Variants in ERC2 observed in about 807,000 individuals in gnomAD.
The protein encoded by ERC2 is ERC protein 2.
In ERC2, 42 loss-of-function variants were observed where a neutral mutation model predicts 114.8. That is an observed-to-expected ratio of 0.37 (90% confidence interval 0.29 to 0.47). The LOEUF (loss-of-function observed/expected upper bound fraction) is 0.47. Among genes scored for constraint, ERC2 ranks in the 20% least tolerant of loss-of-function variants. ERC2 has a pLI of 0.99. For missense variants in ERC2, 939 were observed against 1,150.7 expected (o/e 0.82, Z 2.66); for synonymous variants, 454 against 425.5 (o/e 1.07, Z -0.82).
At chr3:55,935,599 C>T (rs1212477895) in intron 13 of ERC2, among the ~76,000 whole-genome samples, 1 of 152,136 alleles carries the variant, frequency 6.6e-6, no homozygotes, top group Admixed American at 6.5e-5. Flanking sequence ...ACTTAGAGAA[C>T]CAAAGTATGA....
intron 7 of ERC2, among the ~76,000 whole-genome samples, chr3:56,020,733 C>T (rs2073652162): frequency 6.6e-6 from 1 of 152,138 alleles, no homozygotes; most frequent in South Asian, 2.1e-4. Context: ...TGATTAGACC[C>T]ACTGGCCCAC....
At chr3:55,965,353 T>C (rs1377057701) in intron 12 of ERC2, among the ~76,000 whole-genome samples, 1 of 152,258 alleles carries the variant, frequency 6.6e-6, no homozygotes, top group Non-Finnish European at 1.5e-5. Context: ...GTAAAAGTGA[T>C]TTTTAAATAT....
At chr3:55,973,523 G>A (rs1299020071) in intron 12 of ERC2, among the ~76,000 whole-genome samples, 2 of 152,202 alleles carry the variant, frequency 1.3e-5, no homozygotes, top group African/African-American at 4.8e-5. Context: ...TGCCATGCAA[G>A]GGAATATCCA....
At chr3:56,369,037 C>T (rs1318433859) in intron 2 of ERC2, among the ~76,000 whole-genome samples, 1 of 152,178 alleles carries the variant, frequency 6.6e-6, no homozygotes, top group African/African-American at 2.4e-5. Context: ...TTCAGAAGCA[C>T]ACAGCTGATG....
At chr3:56,420,681 C>A (rs919141500) in intron 2 of ERC2, among the ~76,000 whole-genome samples, 9 of 150,102 alleles carry the variant, frequency 6.0e-5, no homozygotes, top group Non-Finnish European at 1.2e-4. Flanking sequence ...GTCAGGAGAT[C>A]GAGACCAACC....
chr3:56,118,361 T>C (rs1013509560), intron 6 of ERC2, among the ~76,000 whole-genome samples: 3 of 152,296 alleles, frequency 2.0e-5, no homozygotes, highest in Non-Finnish European at 4.4e-5. Context: ...TAAAACACCA[T>C]AGGTGAGCAC....
At chr3:56,224,793 G>T (rs937167760) in intron 3 of ERC2, among the ~76,000 whole-genome samples, 1 of 152,100 alleles carries the variant, frequency 6.6e-6, no homozygotes, top group Non-Finnish European at 1.5e-5. Context: ...GGCCCCAAGA[G>T]ATACTAATCA....
intron 1 of ERC2, among the ~76,000 whole-genome samples, chr3:56,465,360 C>T (rs963810583): frequency 2.6e-5 from 4 of 152,176 alleles, no homozygotes; most frequent in East Asian, 1.9e-4. Flanking sequence ...GATCACGCCA[C>T]TGCACTCCAG....
intron 2 of ERC2, among the ~76,000 whole-genome samples, chr3:56,296,990 G>A (rs2055488451): frequency 6.6e-6 from 1 of 152,050 alleles, no homozygotes; most frequent in Admixed American, 6.6e-5. Flanking sequence ...AAGCAAAAGG[G>A]AATAAATGCA....
chr3:55,949,681 T>C (rs2067364573), intron 13 of ERC2, among the ~76,000 whole-genome samples: 1 of 152,192 alleles, frequency 6.6e-6, no homozygotes, highest in South Asian at 2.1e-4. Flanking sequence ...ACCTAATATA[T>C]AACTGGAGAA....
At chr3:55,568,379 G>T (rs2056504206) in intron 17 of ERC2, among the ~76,000 whole-genome samples, 1 of 152,148 alleles carries the variant, frequency 6.6e-6, no homozygotes. Flanking sequence ...TAGTTAGCAG[G>T]CATCTCAAAA....
At chr3:55,706,259 T>G (rs1450127429) in intron 15 of ERC2, among the ~76,000 whole-genome samples, 1 of 152,208 alleles carries the variant, frequency 6.6e-6, no homozygotes. Flanking sequence ...CACCCTTTGT[T>G]GGCCTTTTCC....
intron 7 of ERC2, among the ~76,000 whole-genome samples, chr3:56,053,830 C>T (rs2075882015): frequency 6.6e-6 from 1 of 151,940 alleles, no homozygotes; most frequent in African/African-American, 2.4e-5. Flanking sequence ...ACCAGCCTAA[C>T]CCTTAAAACC....
rs1000877786 is a variant in ERC2, at chr3:55,898,474, G to T, written c.2404-9925C>A. 3.9e-5 allele frequency among the ~76,000 whole-genome samples: 6 copies of T among 152,258 alleles called. No homozygotes were observed. In the East Asian group the frequency reaches 1.2e-3, roughly 29 times the overall value. On this transcript the variant is annotated intron_variant, in intron 13 of 17. Transcript: ENST00000288221. ...ATCAGGCCCCAGCTACATGCTGACG[G>T]TGTGATTTTAGGAAAGGAGCTTGAC...
chr3:55,529,332 C>G (rs1017846097), intron 17 of ERC2, among the ~76,000 whole-genome samples: 46 of 152,318 alleles, frequency 3.0e-4, no homozygotes, highest in African/African-American at 1.1e-3. Context: ...CCTGGATTGA[C>G]TATGGAGCAC....
At chr3:56,258,978 T>TAA (rs1553899304) in intron 3 of ERC2, among the ~76,000 whole-genome samples, 21 of 145,436 alleles carry the variant, frequency 1.4e-4, no homozygotes, top group African/African-American at 5.2e-4. Flanking sequence ...ATTAATTAAT[T>TAA]TTTTTTTTTT....
At position 56,149,112 on chromosome 3, in the gene ERC2, C is replaced by T. The variant is rs1344678224; in HGVS notation, c.1170G>A (p.Leu390=). 1 of 1,608,130 alleles carries T rather than the reference C, an allele frequency of 6.2e-7. No homozygotes were observed. The highest frequency in any genetic ancestry group is 8.5e-7 in the Non-Finnish European group (1 of 1,177,296). Residue 390 remains leucine, a synonymous_variant, in exon 5 of 18, where the codon TTG becomes TTA. Transcript: ENST00000288221. ...CCTCAAGATCCCTTATGTTTCGTTC[C>T]AATGAAGCGATTTTTGTGTCCTGTT... is the stretch of plus-strand genomic sequence containing the variant. ...IEMKDTKIAS[L]ERNIRDLEDE...
intron 4 of ERC2, among the ~76,000 whole-genome samples, 181 bp downstream of exon 4, chr3:56,173,265 C>A (rs1326968323): frequency 6.6e-6 from 1 of 152,138 alleles, no homozygotes; most frequent in East Asian, 1.9e-4. Context: ...GAAAAGGCAT[C>A]CTAATTAAAG....
intron 17 of ERC2, among the ~76,000 whole-genome samples, chr3:55,675,911 T>C (rs1191376962): frequency 3.2e-5 from 2 of 61,956 alleles, no homozygotes; most frequent in African/African-American, 1.0e-4. Context: ...TTCTTTTTTT[T>C]TTTTTTTTTT....
Sources: gnomAD v4.1 joint callset for allele counts (sites outside exome capture counted in the v4.1 genomes callset) on GRCh38, gnomAD v4.1.1 for gene constraint, MANE v1.5 for transcripts, NCBI Gene and HGNC (gene_info 2026-07-23, HGNC 2026-07-21) for gene names.